The following ARHGAP6 variants were observed in gnomAD, a reference collection of about 807,000 sequenced individuals.
The protein encoded by ARHGAP6 is rho GTPase-activating protein 6.
A neutral mutation model predicts 55.7 loss-of-function variants in ARHGAP6; 16 were observed. The observed-to-expected ratio is 0.29, with a 90% CI of 0.19 to 0.44. The LOEUF is 0.44. Among genes scored for constraint, ARHGAP6 ranks in the 20% least tolerant of loss-of-function variants. The pLI, the probability that ARHGAP6 is intolerant of heterozygous loss-of-function variation, is 1.00. For synonymous variants in ARHGAP6, 382 were observed against 360.9 expected, an observed-to-expected ratio of 1.06 and a Z score of -0.66; for missense variants, 698 against 808.9, an observed-to-expected ratio of 0.86 and a Z score of 1.66.
At chrX:11,403,681 G>A (rs1360779935) in intron 1 of ARHGAP6, among the ~76,000 whole-genome samples, 1 of 112,126 alleles carries the variant, frequency 8.9e-6, no homozygotes, top group East Asian at 2.8e-4. Context: ...AAAGGAAGGC[G>A]CTTCCATAGG....
intron 1 of ARHGAP6, among the ~76,000 whole-genome samples, chrX:11,262,079 G>A (rs754433396): frequency 9.9e-5 from 11 of 111,471 alleles, no homozygotes; most frequent in African/African-American, 2.9e-4. Context: ...CTATATATTC[G>A]TTTATATATC....
In ARHGAP6 at chrX:11,138,689, C is replaced by A; in HGVS notation, c.*174G>T. ...GCTGGCTACGCAATGGAACCTTATT[C>A]TCAATGGCGGGGGCGTGAGTGCTCT... On this transcript the variant is annotated 3_prime_UTR_variant, in exon 13 of 13. Coordinates refer to ENST00000337414, the MANE Select transcript of ARHGAP6 (RefSeq NM_013427.3). 1.9e-6 allele frequency: 1 copy of A among 518,323 alleles called. No individual in the cohort carries two copies. Among genetic ancestry groups the A allele is most frequent in the Non-Finnish European group, 3.1e-6 (1 of 324,007 alleles). 42.7% of individuals were successfully genotyped at this position (518,323 alleles called of 1,213,427 possible).
intron 1 of ARHGAP6, among the ~76,000 whole-genome samples, chrX:11,549,619 A>T (rs1467096219): frequency 8.9e-6 from 1 of 111,953 alleles, no homozygotes; most frequent in Non-Finnish European, 1.9e-5. Context: ...TAGGCCTGTG[A>T]TGAGATCCAA....
At chrX:11,639,250 A>C (rs2052448621) in intron 1 of ARHGAP6, among the ~76,000 whole-genome samples, 7 of 111,488 alleles carry the variant, frequency 6.3e-5, no homozygotes. Flanking sequence ...TCTAGGGTAC[A>C]TGTGCACAAT....
chrX:11,591,167 G>A (rs1177772069), intron 1 of ARHGAP6, among the ~76,000 whole-genome samples: 1 of 108,631 alleles, frequency 9.2e-6, no homozygotes, highest in African/African-American at 3.3e-5. Flanking sequence ...ACTCCAGCCT[G>A]GGTGACAGAG....
At chrX:11,342,169 C>T (rs2048715038) in intron 1 of ARHGAP6, among the ~76,000 whole-genome samples, 1 of 112,138 alleles carries the variant, frequency 8.9e-6, no homozygotes. Flanking sequence ...AAACACACAA[C>T]AGCAGAAGTA....
intron 1 of ARHGAP6, among the ~76,000 whole-genome samples, chrX:11,611,033 T>C (rs1041791885): frequency 3.3e-4 from 37 of 112,940 alleles, no homozygotes; most frequent in African/African-American, 1.2e-3. Context: ...TATATTCCAT[T>C]TTATGGATGT....
At chrX:11,598,642 G>T (rs781336413) in intron 1 of ARHGAP6, among the ~76,000 whole-genome samples, 27 of 112,638 alleles carry the variant, frequency 2.4e-4, no homozygotes, top group African/African-American at 8.7e-4. Context: ...TAGAATTATG[G>T]CCTCCAGCTC....
intron 1 of ARHGAP6, among the ~76,000 whole-genome samples, chrX:11,449,315 CT>C (rs1277305380): frequency 1.8e-5 from 2 of 112,532 alleles, no homozygotes; most frequent in Non-Finnish European, 3.8e-5. Flanking sequence ...CCAAAACTGT[CT>C]TTCTCAAGTG....
At chrX:11,511,493 A>G (rs996460450) in intron 1 of ARHGAP6, among the ~76,000 whole-genome samples, 10 of 112,339 alleles carry the variant, frequency 8.9e-5, no homozygotes, top group African/African-American at 3.2e-4. Flanking sequence ...GGTGTCTTGC[A>G]CATTTCAAGG....
intron 1 of ARHGAP6, among the ~76,000 whole-genome samples, chrX:11,590,315 A>AG (rs2051789495): frequency 9.0e-6 from 1 of 111,498 alleles, no homozygotes; most frequent in Admixed American, 9.6e-5. Context: ...TTGATTTCCA[A>AG]AGCTCTGTTT....
intron 1 of ARHGAP6, among the ~76,000 whole-genome samples, chrX:11,466,036 A>G (rs1182065918): frequency 9.0e-6 from 1 of 110,520 alleles, no homozygotes; most frequent in Non-Finnish European, 1.9e-5. Context: ...GGCCCAGTTC[A>G]GATGTCTTTT....
intron 1 of ARHGAP6, among the ~76,000 whole-genome samples, chrX:11,661,531 T>C (rs1030038169): frequency 8.9e-6 from 1 of 112,501 alleles, no homozygotes; most frequent in African/African-American, 3.2e-5. Context: ...GGCTGTTGTA[T>C]GGACAATTTA....
chrX:11,416,605 A>G (rs753993983), intron 1 of ARHGAP6, among the ~76,000 whole-genome samples: 58 of 110,789 alleles, frequency 5.2e-4, no homozygotes, highest in Middle Eastern at 4.6e-3. Flanking sequence ...TAAGGTTCAA[A>G]CCTTTCCCCA....
chrX:11,403,351 C>A (rs768240751), intron 1 of ARHGAP6, among the ~76,000 whole-genome samples: 27 of 111,420 alleles, frequency 2.4e-4, no homozygotes, highest in African/African-American at 8.5e-4. Context: ...CAGCCACTAG[C>A]CCCAAGTGAC....
chrX:11,367,397 G>A (rs972444337), intron 1 of ARHGAP6, among the ~76,000 whole-genome samples: 5 of 111,430 alleles, frequency 4.5e-5, no homozygotes, highest in Non-Finnish European at 9.4e-5. Flanking sequence ...TGATGAAGCA[G>A]AACTGCATGG....
intron 1 of ARHGAP6, among the ~76,000 whole-genome samples, chrX:11,655,931 A>C (rs1021337840): frequency 8.9e-6 from 1 of 112,465 alleles, no homozygotes; most frequent in Non-Finnish European, 1.9e-5. Context: ...TGTGAATCTC[A>C]CTATGAAAAC....
chrX:11,499,008 C>T (rs2050651326), intron 1 of ARHGAP6, among the ~76,000 whole-genome samples: 1 of 112,045 alleles, frequency 8.9e-6, no homozygotes, highest in African/African-American at 3.2e-5. Context: ...ACTTCCAATA[C>T]AGATTTTAAG....
intron 1 of ARHGAP6, among the ~76,000 whole-genome samples, chrX:11,644,431 A>G (rs112284243): frequency 7.2e-5 from 8 of 111,346 alleles, no homozygotes; most frequent in African/African-American, 2.3e-4. Flanking sequence ...GCTAGAAAAT[A>G]GATGCCTTCA....
Sources: allele counts gnomAD v4.1 joint callset (sites outside exome capture counted in the v4.1 genomes callset), GRCh38; gene constraint gnomAD v4.1.1; transcripts MANE v1.5; gene names NCBI Gene and HGNC (gene_info 2026-07-23, HGNC 2026-07-21).